The following KCNU1 variants were observed in gnomAD, a reference collection of about 807,000 sequenced individuals.
The protein encoded by KCNU1 is potassium channel subfamily U member 1.
In KCNU1, 93 loss-of-function variants were observed where a neutral mutation model predicts 126.8. The ratio of observed to expected loss-of-function variants is 0.73; its 90% CI spans 0.62 to 0.87. The LOEUF is 0.87. Among genes scored for constraint, KCNU1 ranks in the 40% least tolerant of loss-of-function variants. KCNU1 has a pLI of 0.00. For synonymous variants in KCNU1, 523 were observed against 494.2 expected, an observed-to-expected ratio of 1.06 and a Z score of -0.77; for missense variants, 1,330 against 1,367.1, an observed-to-expected ratio of 0.97 and a Z score of 0.43.
intron 3 of KCNU1, among the ~76,000 whole-genome samples, chr8:36,804,799 T>C (rs1803436455): frequency 6.6e-6 from 1 of 152,174 alleles, no homozygotes. Flanking sequence ...TGAAATTGGT[T>C]CAGATCAATC....
At chr8:36,853,061 A>T (rs757636567) in intron 18 of KCNU1, among the ~76,000 whole-genome samples, 9 of 152,208 alleles carry the variant, frequency 5.9e-5, no homozygotes, top group Non-Finnish European at 8.8e-5. Flanking sequence ...AGGAAAAAAA[A>T]CTAGGCTGCC....
rs531137086 is a variant in KCNU1 at position 36,924,619 on chromosome 8, G to A, written c.2736+1990G>A. On this transcript the variant is annotated intron_variant, in intron 24 of 26. Transcript: ENST00000399881. ...CCTTCACTGAGCTAGGGAGGTACTAGAGGAAGTCAAGTCAGGTTACTTTTC... is the reference window on the plus strand; with the variant it reads ...CCTTCACTGAGCTAGGGAGGTACTAAAGGAAGTCAAGTCAGGTTACTTTTC... Among the ~76,000 whole-genome samples the A allele has an allele frequency of 5.3e-5, 8 of 152,300 alleles. No individual in the cohort carries two copies. The South Asian group carries it at 1.5e-3, about 28-fold the overall frequency.
chr8:36,895,927 G>C (rs1373464529), intron 19 of KCNU1, among the ~76,000 whole-genome samples: 1 of 151,920 alleles, frequency 6.6e-6, no homozygotes, highest in Non-Finnish European at 1.5e-5. Context: ...AATTATTATA[G>C]AATCTTATGC....
At chr8:36,892,429 C>T (rs951623188) in intron 19 of KCNU1, among the ~76,000 whole-genome samples, 4 of 151,866 alleles carry the variant, frequency 2.6e-5, no homozygotes, top group African/African-American at 7.3e-5. Context: ...TATAATGGCT[C>T]TTATAAAATC....
At chr8:36,816,254 C>T (rs186072426) in intron 9 of KCNU1, among the ~76,000 whole-genome samples, 13 of 152,144 alleles carry the variant, frequency 8.5e-5, no homozygotes, top group Admixed American at 6.6e-4. Flanking sequence ...CATGTGTTCC[C>T]AGGAGGAAAA....
At position 36,805,175 on chromosome 8, in the gene KCNU1, T is replaced by A. The variant is rs1355844095; in HGVS notation, c.378-20T>A. Reference sequence around the variant, plus strand: ...TTTAAAAATGTTGATCTTCACAAACTGTCCTTCTTTCTTTTCCAGCCCTGT... The same window carrying A: ...TTTAAAAATGTTGATCTTCACAAACAGTCCTTCTTTCTTTTCCAGCCCTGT... On this transcript the variant is annotated intron_variant, in intron 3 of 26. Coordinates refer to ENST00000399881, the MANE Select transcript of KCNU1 (RefSeq NM_001031836.3). 6.4e-7 allele frequency: 1 copy of A among 1,562,854 alleles called. No individual in the cohort carries two copies. Among genetic ancestry groups the A allele is most frequent in the South Asian group, 1.1e-5 (1 of 88,542 alleles).
intron 19 of KCNU1, among the ~76,000 whole-genome samples, chr8:36,890,124 C>A (rs142516125): frequency 1.4e-3 from 212 of 152,078 alleles, no homozygotes; most frequent in Non-Finnish European, 2.4e-3. Flanking sequence ...CAGTTTATCA[C>A]CAGCAGGCTT....
chr8:36,914,755 T>C (rs1808032405), intron 22 of KCNU1, among the ~76,000 whole-genome samples: 3 of 152,192 alleles, frequency 2.0e-5, no homozygotes, highest in African/African-American at 7.2e-5. Flanking sequence ...ACCTAGGTAC[T>C]GAACTAAATA....
rs754188008 is a variant in KCNU1, at chr8:36,922,648, T to C, written c.2736+19T>C. ...GGCCACGGTAAGAAAAGCTAAGCCA[T>C]GGAGCCCCCAAAACCAAGCCCTCTG... On this transcript the variant is annotated intron_variant, in intron 24 of 26. Transcript: ENST00000399881. The C allele has an allele frequency of 1.2e-5, 20 of 1,609,202 alleles. No homozygotes were observed. Among genetic ancestry groups the C allele is most frequent in the South Asian group, 2.2e-5 (2 of 90,308 alleles).
At chr8:36,809,155 T>A (rs1010819410) in intron 7 of KCNU1, among the ~76,000 whole-genome samples, 4 of 152,182 alleles carry the variant, frequency 2.6e-5, no homozygotes, top group Non-Finnish European at 4.4e-5. Context: ...TTCAGACTTA[T>A]AAATGCTGGA....
intron 10 of KCNU1, among the ~76,000 whole-genome samples, chr8:36,831,653 A>C (rs1245562321): frequency 2.0e-5 from 3 of 147,036 alleles, no homozygotes; most frequent in African/African-American, 5.1e-5. Flanking sequence ...TAGATTCTGG[A>C]TATTAGCCCT....
At chr8:36,891,177 C>T (rs148689182) in intron 19 of KCNU1, among the ~76,000 whole-genome samples, 1 of 150,598 alleles carries the variant, frequency 6.6e-6, no homozygotes, top group Non-Finnish European at 1.5e-5. Context: ...CATTTTAATT[C>T]TCTTGTGATT....
At chr8:36,846,122 C>A (rs927993474) in intron 18 of KCNU1, among the ~76,000 whole-genome samples, 2 of 152,218 alleles carry the variant, frequency 1.3e-5, no homozygotes, top group Non-Finnish European at 2.9e-5. Context: ...CAGGCAAATG[C>A]ATTTTAAGAG....
rs1353085798 is a variant in KCNU1, at chr8:36,904,066, G to T, written c.2010-1642G>T. 3.9e-5 allele frequency among the ~76,000 whole-genome samples: 6 copies of T among 152,038 alleles called. 1 individual carries two copies. The highest frequency in any genetic ancestry group is 3.3e-4 in the Admixed American group (5 of 15,246). On this transcript the variant is annotated intron_variant, in intron 19 of 26. Transcript: ENST00000399881. ...ACCATATCAGTGGCTGTCAAAGAGG[G>T]GCCATTCCTCTCAAACTTTGGTTAC...
intron 19 of KCNU1, among the ~76,000 whole-genome samples, chr8:36,865,105 G>T (rs2117339943): frequency 6.6e-6 from 1 of 152,198 alleles, no homozygotes; most frequent in South Asian, 2.1e-4. Context: ...CAGTTTATTA[G>T]GGATAATATA....
chr8:36,872,747 A>G (rs1179348061), intron 19 of KCNU1, among the ~76,000 whole-genome samples: 2 of 152,210 alleles, frequency 1.3e-5, no homozygotes, highest in South Asian at 2.1e-4. Context: ...TTCTGCTAAT[A>G]TTAAAATTCT....
chr8:36,912,841 G>A (rs1194718637), intron 22 of KCNU1, among the ~76,000 whole-genome samples: 1 of 150,044 alleles, frequency 6.7e-6, no homozygotes, highest in Non-Finnish European at 1.5e-5. Flanking sequence ...GGTGGCGCAC[G>A]CCTGTAATCC....
chr8:36,801,999 C>A (rs1465694634), intron 2 of KCNU1, among the ~76,000 whole-genome samples: 1 of 151,184 alleles, frequency 6.6e-6, no homozygotes, highest in Non-Finnish European at 1.5e-5. Context: ...ATCCCAGCTA[C>A]TCCGGAGACT....
intron 18 of KCNU1, among the ~76,000 whole-genome samples, chr8:36,852,835 G>A (rs1004062983): frequency 4.6e-5 from 7 of 151,908 alleles, no homozygotes; most frequent in South Asian, 2.1e-4. Context: ...TTGCTACAAT[G>A]TTTATCTATT....
Sources: gnomAD v4.1 joint callset for allele counts (sites outside exome capture counted in the v4.1 genomes callset) on GRCh38, gnomAD v4.1.1 for gene constraint, MANE v1.5 for transcripts, NCBI Gene and HGNC (gene_info 2026-07-23, HGNC 2026-07-21) for gene names.